SPMAP2L: variants seen among roughly 807,000 people sequenced by gnomAD.
The protein encoded by SPMAP2L is sperm microtubule associated protein 2-like.
At chr4:56,531,561 TTC>T in the SPMAP2L span, among the ~76,000 whole-genome samples, 1 of 152,234 alleles carries the variant, frequency 6.6e-6, no homozygotes, top group African/African-American at 2.4e-5. Flanking sequence ...CCATTCATCT[TTC>T]TCTTTAACTA....
At chr4:56,593,341 A>G in the SPMAP2L span, 11 of 1,149,502 alleles carry the variant, frequency 9.6e-6, no homozygotes, top group African/African-American at 6.0e-5. Flanking sequence ...CCCACAGACA[A>G]TAGCTGTTGT....
At chr4:56,597,102 G>C in the SPMAP2L span, among the ~76,000 whole-genome samples, 3 of 152,196 alleles carry the variant, frequency 2.0e-5, no homozygotes, top group Non-Finnish European at 4.4e-5. Flanking sequence ...CTTTGCCTAT[G>C]GTAGTCAGTG....
chr4:56,544,173 G>A, the SPMAP2L span, among the ~76,000 whole-genome samples: 1 of 151,806 alleles, frequency 6.6e-6, no homozygotes, highest in African/African-American at 2.4e-5. Flanking sequence ...ATTTTTTGTA[G>A]AGATGGAATT....
At chr4:56,620,040 A>G in the SPMAP2L span, among the ~76,000 whole-genome samples, 2 of 152,214 alleles carry the variant, frequency 1.3e-5, no homozygotes, top group South Asian at 4.1e-4. Flanking sequence ...ACTTGGATGC[A>G]TCTACACTTA....
the SPMAP2L span, among the ~76,000 whole-genome samples, chr4:56,591,044 A>G: frequency 1.3e-5 from 2 of 152,204 alleles, no homozygotes; most frequent in East Asian, 3.8e-4. Context: ...TGAATAAATG[A>G]TTCAATATGT....
At chr4:56,554,275 T>C in the SPMAP2L span, among the ~76,000 whole-genome samples, 1 of 152,214 alleles carries the variant, frequency 6.6e-6, no homozygotes, top group East Asian at 1.9e-4. Flanking sequence ...TCTTCTAAGA[T>C]GACTGTACCA....
the SPMAP2L span, among the ~76,000 whole-genome samples, chr4:56,585,598 TC>T: frequency 6.8e-3 from 1,038 of 152,278 alleles, 14 homozygotes; most frequent in African/African-American, 0.024. Context: ...CACCTTGACC[TC>T]CCAAAATGCT....
the SPMAP2L span, among the ~76,000 whole-genome samples, chr4:56,549,160 T>G: frequency 2.6e-5 from 4 of 152,068 alleles, no homozygotes; most frequent in Non-Finnish European, 5.9e-5. Context: ...AGCTAATTTT[T>G]GTATTTTTAG....
chr4:56,551,442 A>T, the SPMAP2L span, among the ~76,000 whole-genome samples: 1 of 152,162 alleles, frequency 6.6e-6, no homozygotes, highest in East Asian at 1.9e-4. Flanking sequence ...TCTACTCTCT[A>T]TCACATAGCA....
the SPMAP2L span, among the ~76,000 whole-genome samples, chr4:56,539,487 TCTCAG>T: frequency 6.6e-6 from 1 of 152,306 alleles, no homozygotes; most frequent in Non-Finnish European, 1.5e-5. Flanking sequence ...AATGGTGCAA[TCTCAG>T]CTCACTGCAA....
At chr4:56,583,256 A>G in the SPMAP2L span, among the ~76,000 whole-genome samples, 2 of 151,908 alleles carry the variant, frequency 1.3e-5, no homozygotes, top group Non-Finnish European at 2.9e-5. Context: ...CCTGGGTGAC[A>G]GAGCGAGACT....
chr4:56,582,786 A>G, the SPMAP2L span, among the ~76,000 whole-genome samples: 33 of 152,362 alleles, frequency 2.2e-4, no homozygotes, highest in Non-Finnish European at 1.2e-4. Flanking sequence ...AGCATTATTC[A>G]TAATAGCCAA....
At chr4:56,539,889 T>C in the SPMAP2L span, among the ~76,000 whole-genome samples, 25,524 of 152,214 alleles carry the variant, frequency 0.17, 2,324 homozygotes, top group East Asian at 0.4. Context: ...TACCACTATC[T>C]GAAGTTATTT....
At chr4:56,558,335 T>G in the SPMAP2L span, among the ~76,000 whole-genome samples, 1 of 152,192 alleles carries the variant, frequency 6.6e-6, no homozygotes, top group Admixed American at 6.5e-5. Context: ...TCCTTCTAAC[T>G]TACTTTAAGC....
chr4:56,575,601 G>A, the SPMAP2L span: 1 of 1,535,426 alleles, frequency 6.5e-7, no homozygotes, highest in East Asian at 2.4e-5. Flanking sequence ...TCCAGAGGCT[G>A]TCACAGCCCA....
chr4:56,624,887 C>T, the SPMAP2L span, among the ~76,000 whole-genome samples: 2 of 152,212 alleles, frequency 1.3e-5, no homozygotes, highest in East Asian at 1.9e-4. Flanking sequence ...AGAGTCCCTA[C>T]TGGGGCACTG....
the SPMAP2L span, chr4:56,596,705 G>T: frequency 7.3e-7 from 1 of 1,362,138 alleles, no homozygotes; most frequent in Non-Finnish European, 9.5e-7. Flanking sequence ...GCCTCTACAG[G>T]GCATAGCCCA....
At chr4:56,608,928 G>C in the SPMAP2L span, among the ~76,000 whole-genome samples, 35 of 152,098 alleles carry the variant, frequency 2.3e-4, no homozygotes, top group African/African-American at 6.0e-4. Flanking sequence ...TTTAATGTTT[G>C]CCTTGTTGGG....
the SPMAP2L span, among the ~76,000 whole-genome samples, chr4:56,559,122 C>T: frequency 4.6e-5 from 7 of 151,716 alleles, no homozygotes; most frequent in Non-Finnish European, 7.4e-5. Flanking sequence ...TTAGTAGAGA[C>T]GAGGTTTCAC....
Sources: gnomAD v4.1 joint callset for allele counts (sites outside exome capture counted in the v4.1 genomes callset) on GRCh38, gnomAD v4.1.1 for gene constraint, MANE v1.5 for transcripts, NCBI Gene and HGNC (gene_info 2026-07-23, HGNC 2026-07-21) for gene names.